MAP2K6: variants seen among roughly 807,000 people sequenced by gnomAD.
MAP2K6 encodes the protein dual specificity mitogen-activated protein kinase kinase 6.
Under a neutral mutation model 53.7 loss-of-function variants are expected in MAP2K6, and 16 were observed. That is an observed-to-expected ratio of 0.30 (90% CI 0.20 to 0.45). The LOEUF (loss-of-function observed/expected upper bound fraction) is 0.45. Ranked by LOEUF, MAP2K6 falls within the 20% of genes least tolerant of loss-of-function variation. The pLI is 1.00. For missense variants in MAP2K6, 204 were observed against 411.9 expected (o/e 0.50, Z 4.37); for synonymous variants, 132 against 143.1 (o/e 0.92, Z 0.55).
At chr17:69,460,501 G>C (rs1829050443) in intron 1 of MAP2K6, among the ~76,000 whole-genome samples, 1 of 152,304 alleles carries the variant, frequency 6.6e-6, no homozygotes, top group Non-Finnish European at 1.5e-5. Flanking sequence ...ACATATGTCT[G>C]TGATGGAGGA....
intron 11 of MAP2K6, among the ~76,000 whole-genome samples, chr17:69,538,408 CCTTTT>C (rs1485771453): frequency 6.6e-5 from 10 of 152,154 alleles, no homozygotes; most frequent in Non-Finnish European, 1.5e-4. Flanking sequence ...TGTCAGTCCC[CCTTTT>C]CTTCTTACAG....
chr17:69,487,491 G>A (rs2145198504), intron 1 of MAP2K6, among the ~76,000 whole-genome samples: 1 of 152,366 alleles, frequency 6.6e-6, no homozygotes, highest in East Asian at 1.9e-4. Context: ...AGAAACGGCA[G>A]TGTAGCTGAT....
chr17:69,514,626 A>G (rs1910043579), intron 2 of MAP2K6, among the ~76,000 whole-genome samples: 1 of 151,974 alleles, frequency 6.6e-6, no homozygotes, highest in South Asian at 2.1e-4. Context: ...CAGTGGCACG[A>G]TCTTGGCTCA....
At chr17:69,515,666 C>T (rs1350417254) in intron 2 of MAP2K6, among the ~76,000 whole-genome samples, 1 of 152,096 alleles carries the variant, frequency 6.6e-6, no homozygotes, top group Non-Finnish European at 1.5e-5. Context: ...TAAGAAGACC[C>T]CAGAATTGTA....
In MAP2K6 at chr17:69,547,191, T is replaced by C. The variant is rs1175100130; in HGVS notation, c.*5438T>C. 6.6e-6 allele frequency: 1 copy of C among 152,208 alleles called. No individual in the cohort carries two copies. Among genetic ancestry groups the C allele is most frequent in the Non-Finnish European group, 1.5e-5 (1 of 68,040 alleles). 9.4% of individuals were successfully genotyped at this position (152,208 alleles called of 1,614,324 possible). On this transcript the variant is annotated 3_prime_UTR_variant, in exon 12 of 12. Coordinates refer to ENST00000590474, the MANE Select transcript of MAP2K6 (RefSeq NM_002758.4). ...ATGAAGCACATAATTTTGCAAACTT[T>C]TTTTGGTTGTTGTTGGGAGGGGGTT... is the stretch of plus-strand genomic sequence containing the variant.
At chr17:69,442,531 A>G (rs574657381) in intron 1 of MAP2K6, among the ~76,000 whole-genome samples, 29 of 152,268 alleles carry the variant, frequency 1.9e-4, no homozygotes, top group Non-Finnish European at 2.6e-4. Flanking sequence ...CCATAATAGC[A>G]TTGTTTTCAT....
chr17:69,540,832 C>T (rs755928500), intron 11 of MAP2K6, among the ~76,000 whole-genome samples: 2 of 152,174 alleles, frequency 1.3e-5, no homozygotes, highest in Admixed American at 1.3e-4. Flanking sequence ...AAATAAAGCT[C>T]GTGGCTTGGC....
intron 1 of MAP2K6, among the ~76,000 whole-genome samples, chr17:69,431,797 A>C (rs189788301): frequency 6.6e-5 from 10 of 152,344 alleles, no homozygotes; most frequent in Admixed American, 3.3e-4. Flanking sequence ...ATAGTTTAAA[A>C]GACTCACCTT....
intron 1 of MAP2K6, among the ~76,000 whole-genome samples, chr17:69,416,926 T>C (rs1190274351): frequency 1.3e-5 from 2 of 152,184 alleles, no homozygotes; most frequent in Admixed American, 6.5e-5. Context: ...GGCTCCCTCT[T>C]AGTAGAGCCA....
At chr17:69,537,239 T>TG (rs1252913679) in intron 11 of MAP2K6, among the ~76,000 whole-genome samples, 11 of 152,130 alleles carry the variant, frequency 7.2e-5, no homozygotes, top group South Asian at 6.2e-4. Context: ...AACACATTTT[T>TG]GGGGGGGAGA....
In MAP2K6 at chr17:69,526,825, A is replaced by T. The variant is rs1464406637; in HGVS notation, c.881+116A>T. 3.9e-6 allele frequency: 5 copies of T among 1,282,606 alleles called. No homozygotes were observed. The East Asian group carries it at 1.3e-4, about 32-fold the overall frequency. The allele number at this position is 1,282,606 out of a possible 1,614,324, so 79.5% of individuals were successfully genotyped here. On this transcript the variant is annotated intron_variant, in intron 10 of 11. Transcript: ENST00000590474. Reference sequence around the variant, plus strand: ...ACATTCATTCCGAAAGCATTTGTGGAGTATGCCCTCTCTGCTGGAGAAGCA... The same window carrying T: ...ACATTCATTCCGAAAGCATTTGTGGTGTATGCCCTCTCTGCTGGAGAAGCA...
chr17:69,526,421 T>A, intron 9 of MAP2K6, 149 bp from the exon 10 acceptor site: 1 of 764,050 alleles, frequency 1.3e-6, no homozygotes, highest in Non-Finnish European at 2.1e-6. Flanking sequence ...AGAGAACAAA[T>A]TATTAGTTTA....
At chr17:69,517,477 A>G (rs1910213303) in intron 3 of MAP2K6, 23 bp from the exon 4 acceptor site, 3 of 1,385,068 alleles carry the variant, frequency 2.2e-6, no homozygotes, top group Middle Eastern at 1.8e-4. Flanking sequence ...TTCCCATTGC[A>G]TTATTCCTTT....
chr17:69,523,941 G>A (rs1394524256), intron 8 of MAP2K6, among the ~76,000 whole-genome samples: 2 of 152,324 alleles, frequency 1.3e-5, no homozygotes, highest in African/African-American at 2.4e-5. Flanking sequence ...GGCACCAGAA[G>A]ATTTGGTGTC....
chr17:69,519,068 A>G (rs1910328079), intron 4 of MAP2K6, among the ~76,000 whole-genome samples: 1 of 152,250 alleles, frequency 6.6e-6, no homozygotes, highest in Non-Finnish European at 1.5e-5. Context: ...ACATTCCAAA[A>G]CATTTTGTCA....
chr17:69,517,539 G>C lies in MAP2K6; in HGVS notation c.172G>C (p.Glu58Gln). ...GGCAGATGACCTGGAGCCTATAATG[G>C]AACTGGGACGAGGTGCGTACGGGGT... is the stretch of plus-strand genomic sequence containing the variant. ...VKADDLEPIM[E>Q]LGRGAYGVVE... Residue 58 changes from glutamate (E) to glutamine (Q), a missense_variant, in exon 4 of 12, where the codon GAA becomes CAA. By Grantham distance (29) the Glu-to-Gln change is conservative. This residue lies in a region of MAP2K6 where 129 missense variants were observed against 247.1 expected (regional missense o/e 0.52). Coordinates refer to ENST00000590474, the MANE Select transcript of MAP2K6 (RefSeq NM_002758.4). 2 of 1,611,260 alleles carry C rather than the reference G, an allele frequency of 1.2e-6. No homozygotes were observed. Among genetic ancestry groups the C allele is most frequent in the Non-Finnish European group, 1.7e-6 (2 of 1,178,440 alleles).
At position 69,494,940 on chromosome 17, in the gene MAP2K6, G is replaced by C. The variant is rs980890140; in HGVS notation, c.17-10840G>C. Among the ~76,000 whole-genome samples the C allele has an allele frequency of 6.6e-6, 1 of 151,892 alleles. No individual in the cohort carries two copies. Among genetic ancestry groups the C allele is most frequent in the African/African-American group, 2.4e-5 (1 of 41,362 alleles). On this transcript the variant is annotated intron_variant, in intron 1 of 11. Coordinates refer to ENST00000590474, the MANE Select transcript of MAP2K6 (RefSeq NM_002758.4). This position sits in a 1 kb window ranked among gnomAD's most constrained non-coding sequence, Gnocchi z 4.2. ...GCATCGCTTGAACCTGGGAGGTGGA[G>C]GTTGCCGTGAGCCGAGATCGCGACA...
At position 69,536,532 on chromosome 17, in the gene MAP2K6, TTGAC is replaced by T. The variant is rs367812186; in HGVS notation, c.927+376_927+379del. Among the ~76,000 whole-genome samples the T allele has an allele frequency of 8.3e-3, 1,259 of 152,340 alleles. 16 individuals are homozygous for T. The highest frequency in any genetic ancestry group is 0.023 in the South Asian group (111 of 4,828). On this transcript the variant is annotated intron_variant, in intron 11 of 11. Transcript: ENST00000590474. ...ATACTGAGGAAAACTTAAATGCTCT[TTGAC>T]TGATCAATTTTTGATCAAATATCTG...
intron 1 of MAP2K6, among the ~76,000 whole-genome samples, chr17:69,500,624 C>G (rs1273341036): frequency 1.3e-5 from 2 of 151,730 alleles, no homozygotes; most frequent in African/African-American, 4.8e-5. Flanking sequence ...GGCGTGATGG[C>G]GGGCACCTGT....
Sources: allele counts gnomAD v4.1 joint callset (sites outside exome capture counted in the v4.1 genomes callset), GRCh38; gene constraint gnomAD v4.1.1; regional missense constraint gnomAD v4.1.1; non-coding constraint Gnocchi (gnomAD v3.1); transcripts MANE v1.5; gene names NCBI Gene and HGNC (gene_info 2026-07-23, HGNC 2026-07-21).